SLC24A2: variants seen among roughly 807,000 people sequenced by gnomAD.
The protein encoded by SLC24A2 is sodium/potassium/calcium exchanger 2.
A neutral mutation model predicts 62.0 loss-of-function variants in SLC24A2; 36 were observed. The observed-to-expected ratio is 0.58, with a 90% CI of 0.44 to 0.77. SLC24A2 has a LOEUF of 0.77. Ranked by LOEUF, SLC24A2 falls within the 30% of genes least tolerant of loss-of-function variation. SLC24A2 has a pLI of 0.00. For missense variants in SLC24A2, 846 were observed against 817.9 expected (o/e 1.03, Z -0.42); for synonymous variants, 358 against 294.0 (o/e 1.22, Z -2.23).
At chr9:19,692,402 G>C (rs1219760148) in intron 2 of SLC24A2, among the ~76,000 whole-genome samples, 1 of 152,036 alleles carries the variant, frequency 6.6e-6, no homozygotes, top group African/African-American at 2.4e-5. Context: ...AGAAAAAATA[G>C]ACTGTAATTT....
chr9:19,994,355 A>C, the SLC24A2 span, among the ~76,000 whole-genome samples: 5 of 152,156 alleles, frequency 3.3e-5, no homozygotes, highest in Admixed American at 3.3e-4. Flanking sequence ...CAGGGTAATT[A>C]CCCATGCACA....
chr9:19,772,388 G>A (rs1000471449), intron 2 of SLC24A2, among the ~76,000 whole-genome samples: 4 of 152,150 alleles, frequency 2.6e-5, no homozygotes, highest in Non-Finnish European at 1.5e-5. Context: ...GCTTGGTAGG[G>A]GTTCCCAGGC....
the SLC24A2 span, among the ~76,000 whole-genome samples, chr9:20,178,632 T>C: frequency 4.6e-5 from 7 of 152,132 alleles, no homozygotes; most frequent in Admixed American, 3.3e-4. Context: ...GAAAAACTGC[T>C]GATAAGGAGG....
chr9:19,941,745 G>C, the SLC24A2 span, among the ~76,000 whole-genome samples: 5 of 152,188 alleles, frequency 3.3e-5, no homozygotes, highest in South Asian at 8.3e-4. Flanking sequence ...AAAATTACTA[G>C]AGATATTGTA....
At chr9:19,523,600 T>A (rs1311913624) in intron 9 of SLC24A2, among the ~76,000 whole-genome samples, 1 of 152,068 alleles carries the variant, frequency 6.6e-6, no homozygotes, top group African/African-American at 2.4e-5. Context: ...GTAGCTGGGA[T>A]TACAGGCATC....
rs535719333 is a variant in SLC24A2, at chr9:19,617,681, T to C, written c.1078+1903A>G. Among the ~76,000 whole-genome samples, 12 of 152,296 alleles carry C rather than the reference T, an allele frequency of 7.9e-5. No homozygotes were observed. The South Asian group carries it at 2.5e-3, about 32-fold the overall frequency. ...GCAGTATGGCCTGTTTTAAGTGAGA[T>C]TCAAAGAAACAGAACCATGAGAACT... On this transcript the variant is annotated intron_variant, in intron 4 of 10. Transcript: ENST00000341998.
chr9:19,873,935 C>T, the SLC24A2 span, among the ~76,000 whole-genome samples: 1 of 152,138 alleles, frequency 6.6e-6, no homozygotes, highest in Non-Finnish European at 1.5e-5. Context: ...ATTTGTGCAA[C>T]TTGTTTCTCT....
chr9:20,233,410 C>G, the SLC24A2 span, among the ~76,000 whole-genome samples: 2 of 152,136 alleles, frequency 1.3e-5, no homozygotes, highest in Non-Finnish European at 2.9e-5. Context: ...CTGGGTTCTC[C>G]TGTATTGGGT....
the SLC24A2 span, among the ~76,000 whole-genome samples, chr9:20,137,651 G>T: frequency 6.6e-6 from 1 of 152,076 alleles, no homozygotes; most frequent in Non-Finnish European, 1.5e-5. Flanking sequence ...ATCAATCCAG[G>T]ACCTTTTTAT....
chr9:20,222,196 G>A, the SLC24A2 span, among the ~76,000 whole-genome samples: 1,643 of 151,550 alleles, frequency 0.011, 33 homozygotes, highest in African/African-American at 0.038. Context: ...TAAAATAATG[G>A]GAAAATAATC....
At chr9:20,051,509 G>C in the SLC24A2 span, among the ~76,000 whole-genome samples, 1 of 151,814 alleles carries the variant, frequency 6.6e-6, no homozygotes, top group African/African-American at 2.4e-5. Context: ...GACATACAGA[G>C]AACAGTACTG....
chr9:19,893,551 T>C, the SLC24A2 span, among the ~76,000 whole-genome samples: 1 of 152,340 alleles, frequency 6.6e-6, no homozygotes, highest in Admixed American at 6.5e-5. Context: ...CTACTGGATA[T>C]CTGGCATTAT....
the SLC24A2 span, among the ~76,000 whole-genome samples, chr9:20,083,764 G>A: frequency 1.7e-4 from 26 of 152,148 alleles, no homozygotes; most frequent in Admixed American, 6.5e-5. Context: ...TATTCATTTA[G>A]AAGCCTCTCT....
chr9:19,988,644 TGACACCCTAAG>T, the SLC24A2 span, among the ~76,000 whole-genome samples: 5 of 152,148 alleles, frequency 3.3e-5, no homozygotes, highest in African/African-American at 1.2e-4. Context: ...CTTTTAAAGG[TGACACCCTAAG>T]GACAAGCTTG....
intron 7 of SLC24A2, among the ~76,000 whole-genome samples, chr9:19,563,202 G>A (rs10964208): frequency 6.6e-6 from 1 of 151,982 alleles, no homozygotes; most frequent in Non-Finnish European, 1.5e-5. Context: ...CACTGCTCTT[G>A]TGTTCTAGTG....
chr9:19,652,165 C>T (rs1439863773), intron 2 of SLC24A2, among the ~76,000 whole-genome samples: 1 of 152,162 alleles, frequency 6.6e-6, no homozygotes, highest in Non-Finnish European at 1.5e-5. Flanking sequence ...GACTACTATA[C>T]TCTCATGTTT....
intron 2 of SLC24A2, among the ~76,000 whole-genome samples, chr9:19,714,818 C>T (rs1219222930): frequency 6.6e-6 from 1 of 152,062 alleles, no homozygotes; most frequent in Non-Finnish European, 1.5e-5. Flanking sequence ...ACAGTATGCT[C>T]TTATTAACTA....
chr9:19,520,368 C>A (rs139424299), intron 10 of SLC24A2, among the ~76,000 whole-genome samples: 59 of 152,282 alleles, frequency 3.9e-4, no homozygotes, highest in African/African-American at 1.3e-3. Flanking sequence ...ATTATAAGAA[C>A]AGGTCTCACC....
the SLC24A2 span, among the ~76,000 whole-genome samples, chr9:19,884,318 C>T: frequency 2.5e-4 from 38 of 152,252 alleles, no homozygotes; most frequent in African/African-American, 8.9e-4. Context: ...TACAAAATGC[C>T]TGCTAATCAA....
Sources: gnomAD v4.1 joint callset for allele counts (sites outside exome capture counted in the v4.1 genomes callset) on GRCh38, gnomAD v4.1.1 for gene constraint, MANE v1.5 for transcripts, NCBI Gene and HGNC (gene_info 2026-07-23, HGNC 2026-07-21) for gene names.